Variants in NARF observed in about 807,000 individuals in gnomAD.
NARF encodes iron-only hydrogenase-like protein 2.
Under a neutral mutation model 48.0 loss-of-function variants are expected in NARF, and 41 were observed. The ratio of observed to expected loss-of-function variants is 0.85; its 90% confidence interval spans 0.66 to 1.11. The LOEUF is 1.11. Ranked by LOEUF, NARF falls within the 50% of genes least tolerant of loss-of-function variation. NARF has a pLI of 0.00. For missense variants in NARF, 613 were observed against 590.2 expected (o/e 1.04, Z -0.40); for synonymous variants, 215 against 225.5 (o/e 0.95, Z 0.42).
chr17:82,480,123 C>T (rs2043926828), intron 6 of NARF: 1 of 270,236 alleles, frequency 3.7e-6, no homozygotes, highest in African/African-American at 2.2e-5. Flanking sequence ...TCCTTTCCAC[C>T]CAGACCTCAC....
chr17:82,481,251 TCTC>T (rs763977031), intron 7 of NARF, 40 bp downstream of exon 7: 11 of 1,609,978 alleles, frequency 6.8e-6, no homozygotes, highest in African/African-American at 4.0e-5. Context: ...GCTGGGGTAA[TCTC>T]CTACTGGCCA....
intron 4 of NARF, 52 bp downstream of exon 4, chr17:82,468,948 C>T: frequency 6.3e-7 from 1 of 1,595,610 alleles, no homozygotes; most frequent in Non-Finnish European, 8.5e-7. Context: ...TTATAAGCGC[C>T]CTTTTTAATC....
At chr17:82,470,218 G>A (rs2043666680) in intron 4 of NARF, among the ~76,000 whole-genome samples, 1 of 152,136 alleles carries the variant, frequency 6.6e-6, no homozygotes, top group African/African-American at 2.4e-5. Context: ...GCTCTAACAA[G>A]ACCTGGTCAT....
rs907726028 is a variant in NARF, at chr17:82,480,960, T to C, written c.640-122T>C. ...AAAAAAAAAAAAAAAGAGTGCAGCA[T>C]GCAGTGTCTGGAGGGCAGCAGCAGG... On this transcript the variant is annotated intron_variant, in intron 6 of 10. Coordinates refer to ENST00000309794, the MANE Select transcript of NARF (RefSeq NM_012336.4). 4.6e-6 allele frequency: 5 copies of C among 1,086,654 alleles called. No individual in the cohort carries two copies. In the African/African-American group the frequency reaches 4.9e-5, roughly 11 times the overall value. 67.3% of individuals were successfully genotyped at this position (1,086,654 alleles called of 1,614,324 possible). A position where few individuals can be genotyped will look rare whatever the true frequency, so the allele number is the denominator to read the frequency against.
chr17:82,485,862 T>C (rs1173072381), intron 10 of NARF, among the ~76,000 whole-genome samples: 2 of 152,230 alleles, frequency 1.3e-5, no homozygotes, highest in African/African-American at 2.4e-5. Flanking sequence ...CCATGTAGCA[T>C]GTGGGCATTC....
At chr17:82,478,963 A>G (rs1216279705) in intron 6 of NARF, 45 bp downstream of exon 6, 7 of 1,570,104 alleles carry the variant, frequency 4.5e-6, no homozygotes, top group Non-Finnish European at 6.1e-6. Context: ...GTGAGGGAGG[A>G]CCATGGCACA....
chr17:82,464,311 G>A lies in NARF; in HGVS notation c.133G>A (p.Asp45Asn), dbSNP rs1272953041. 1 of 1,613,666 alleles carries A rather than the reference G, an allele frequency of 6.2e-7. No individual in the cohort carries two copies. The highest frequency in any genetic ancestry group is 8.5e-7 in the Non-Finnish European group (1 of 1,179,820). ...GAAGGGAGAATTCCACAAGTTGGCT[G>A]ATGCCAAGATATTTTTGAGCGACTG... ...GEKGEFHKLA[D>N]AKIFLSDCLA... is the part of the protein sequence containing the mutation. Residue 45 changes from aspartate (D) to asparagine (N), a missense_variant, in exon 3 of 11, where the codon GAT becomes AAT. Coordinates refer to ENST00000309794, the MANE Select transcript of NARF (RefSeq NM_012336.4).
In NARF at chr17:82,458,822, A is replaced by G. The variant is rs1184410115; in HGVS notation, c.19A>G (p.Thr7Ala). The change falls in exon 1 of 11, where the codon ACG (threonine) becomes GCG (alanine). Residue 7 changes from threonine (T) to alanine (A), a missense_variant. Physicochemically the swap from Thr to Ala is moderately conservative, Grantham distance 58. Transcript: ENST00000309794. MKCEHC[T>A]RKECSKKTKT... ...GCTCCAGATGAAGTGTGAGCACTGC[A>G]CGCGCAAGGTGAGCGCCGCGGGCCG... The G allele has an allele frequency of 7.0e-7, 1 of 1,421,740 alleles. No individual in the cohort carries two copies. Among genetic ancestry groups the G allele is most frequent in the Non-Finnish European group, 9.2e-7 (1 of 1,090,412 alleles). The allele number at this position is 1,421,740 out of a possible 1,614,324, so 88.1% of individuals were successfully genotyped here.
chr17:82,485,718 C>T lies in NARF; in HGVS notation c.1129+64C>T, dbSNP rs2044082158. 8 of 1,578,576 alleles carry T rather than the reference C, an allele frequency of 5.1e-6. No homozygotes were observed. The East Asian group carries it at 1.8e-4, about 36-fold the overall frequency. ...GGGTGCTCAGGCCACACTGGTCCTG[C>T]AGCTGCCAGAGAGATGGTGCTCTTG... On this transcript the variant is annotated intron_variant, in intron 10 of 10. Transcript: ENST00000309794.
intron 3 of NARF, among the ~76,000 whole-genome samples, chr17:82,466,252 A>G (rs2043564592): frequency 6.6e-6 from 1 of 152,206 alleles, no homozygotes; most frequent in Non-Finnish European, 1.5e-5. Context: ...GTGTGCAGCC[A>G]TCCTGGTCAC....
At chr17:82,481,537 T>C (rs553439121) in intron 7 of NARF, among the ~76,000 whole-genome samples, 1 of 152,120 alleles carries the variant, frequency 6.6e-6, no homozygotes, top group Non-Finnish European at 1.5e-5. Context: ...GAGACCAGCC[T>C]GACCAACATG....
chr17:82,458,924 G>A, intron 1 of NARF, 94 bp downstream of exon 1: 1 of 1,249,202 alleles, frequency 8.0e-7, no homozygotes, highest in Non-Finnish European at 1.0e-6. Flanking sequence ...CCGCTCGCTC[G>A]CTTCAGGGCT....
rs1025518206 is a variant in NARF, at chr17:82,481,073, C to T, written c.640-9C>T. 6.2e-7 allele frequency: 1 copy of T among 1,614,026 alleles called. No homozygotes were observed. The highest frequency in any genetic ancestry group is 1.7e-5 in the Admixed American group (1 of 60,002). The stretch of plus-strand genomic sequence containing the variant: ...ACCAGCCCTAAATATGGGTGCCCCT[C>T]TCCCACAGAACCTGTCTCCAGAGAA... On this transcript the variant is annotated splice_polypyrimidine_tract_variant and intron_variant, in intron 6 of 10. Transcript: ENST00000309794.
In NARF at chr17:82,472,711, A is replaced by G; in HGVS notation, c.520+13A>G. 1 of 1,605,786 alleles carries G rather than the reference A, an allele frequency of 6.2e-7. No individual in the cohort carries two copies. The highest frequency in any genetic ancestry group is 8.5e-7 in the Non-Finnish European group (1 of 1,177,238). ...TCTGCCTGTCCTGGTGAGCCCCTGG[A>G]CCCCCGCTCTGTTGGCCTGAGGTGC... On this transcript the variant is annotated intron_variant, in intron 5 of 10. Coordinates refer to ENST00000309794, the MANE Select transcript of NARF (RefSeq NM_012336.4).
chr17:82,478,369 G>A (rs951304519), intron 5 of NARF, among the ~76,000 whole-genome samples: 6 of 152,206 alleles, frequency 3.9e-5, no homozygotes, highest in East Asian at 1.9e-4. Flanking sequence ...GTTTCTCGCC[G>A]GTGAGAGAAG....
rs534474969 is a variant in NARF, at chr17:82,478,326, T to C, written c.521-474T>C. Among the ~76,000 whole-genome samples the C allele has an allele frequency of 7.9e-5, 12 of 152,334 alleles. No individual in the cohort carries two copies. In the East Asian group the frequency reaches 1.2e-3, roughly 15 times the overall value. The stretch of plus-strand genomic sequence containing the variant: ...CGACTTGAGGAGTATAGATTTCTTA[T>C]ATTTTAAAAAGCGTGCAGTTGTTGG... On this transcript the variant is annotated intron_variant, in intron 5 of 10. Transcript: ENST00000309794.
intron 1 of NARF, 71 bp downstream of exon 1, chr17:82,458,901 C>A (rs144921983): frequency 7.8e-7 from 1 of 1,287,056 alleles, no homozygotes; most frequent in African/African-American, 1.5e-5. Flanking sequence ...CCGAGGTTGG[C>A]GGTCCGGGCC....
At chr17:82,459,233 G>T in intron 1 of NARF, 4 of 997,168 alleles carry the variant, frequency 4.0e-6, no homozygotes, top group Non-Finnish European at 4.8e-6. Context: ...GGGCGGAAGC[G>T]GGTGACGGCT....
At chr17:82,472,815 C>T in intron 5 of NARF, 117 bp downstream of exon 5, 1 of 1,294,106 alleles carries the variant, frequency 7.7e-7, no homozygotes. Context: ...GCCTTGTAGA[C>T]CAGGAGGGAA....
Sources: gnomAD v4.1 joint callset for allele counts (sites outside exome capture counted in the v4.1 genomes callset) on GRCh38, gnomAD v4.1.1 for gene constraint, MANE v1.5 for transcripts, NCBI Gene and HGNC (gene_info 2026-07-23, HGNC 2026-07-21) for gene names.